SCP2: variants seen among roughly 807,000 people sequenced by gnomAD.
SCP2 encodes the protein SCP-2/3-oxoacyl-CoA thiolase.
In SCP2, 48 loss-of-function variants were observed where a neutral mutation model predicts 71.4. The ratio of observed to expected loss-of-function variants is 0.67; its 90% confidence interval spans 0.53 to 0.86. SCP2 has a LOEUF of 0.86. Among genes scored for constraint, SCP2 ranks in the 40% least tolerant of loss-of-function variants. The pLI is 0.00. For missense variants in SCP2, 560 were observed against 655.6 expected, an observed-to-expected ratio of 0.85 and a Z score of 1.59; for synonymous variants, 220 against 218.1, an observed-to-expected ratio of 1.01 and a Z score of -0.08.
At chr1:52,993,376 TAA>T (rs1659676056) in intron 11 of SCP2, 1 of 1,614,104 alleles carries the variant, frequency 6.2e-7, no homozygotes, top group African/African-American at 1.3e-5. Flanking sequence ...GTTGCCGTGC[TAA>T]CTGCCGTCCT....
At chr1:52,957,827 A>G (rs1655965103) in intron 5 of SCP2, among the ~76,000 whole-genome samples, 1 of 152,254 alleles carries the variant, frequency 6.6e-6, no homozygotes, top group Admixed American at 6.5e-5. Context: ...TGAAGGGTGT[A>G]AGGTCTGTGC....
At chr1:52,969,816 A>G (rs1657297702) in intron 6 of SCP2, among the ~76,000 whole-genome samples, 2 of 113,288 alleles carry the variant, frequency 1.8e-5, no homozygotes, top group Non-Finnish European at 3.7e-5. Flanking sequence ...GCTAGACTCC[A>G]TCTCAAACAA....
intron 14 of SCP2, among the ~76,000 whole-genome samples, chr1:53,043,510 A>T (rs1020760912): frequency 6.6e-6 from 1 of 152,246 alleles, no homozygotes; most frequent in Non-Finnish European, 1.5e-5. Context: ...TGTAGAGCAT[A>T]GGAATTGGGA....
At chr1:52,969,250 G>T (rs772742082) in intron 6 of SCP2, among the ~76,000 whole-genome samples, 11 of 152,202 alleles carry the variant, frequency 7.2e-5, no homozygotes, top group Non-Finnish European at 1.3e-4. Flanking sequence ...GGCCTTTCTG[G>T]ATATGGTGAT....
rs181823245 is a variant in SCP2 at position 52,988,986 on chromosome 1, G to A, written c.1081+850G>A. Among the ~76,000 whole-genome samples, 41 of 152,198 alleles carry A rather than the reference G, an allele frequency of 2.7e-4. No homozygotes were observed. In the East Asian group the frequency reaches 7.7e-3, roughly 29 times the overall value. ...GGATTACCGGCATGGGCCACACACGGCCACAACATGCATTTTTAATATATC... is the reference window on the plus strand; with the variant it reads ...GGATTACCGGCATGGGCCACACACGACCACAACATGCATTTTTAATATATC... On this transcript the variant is annotated intron_variant, in intron 11 of 15. Transcript: ENST00000371514.
chr1:52,989,990 C>G (rs1000798037), intron 11 of SCP2, among the ~76,000 whole-genome samples: 1 of 152,140 alleles, frequency 6.6e-6, no homozygotes, highest in Non-Finnish European at 1.5e-5. Context: ...TTGTAAACTG[C>G]CTGGCTGAGT....
At chr1:53,047,697 C>T (rs150957749) in intron 14 of SCP2, among the ~76,000 whole-genome samples, 161 bp from the exon 15 acceptor site, 1 of 152,282 alleles carries the variant, frequency 6.6e-6, no homozygotes, top group Non-Finnish European at 1.5e-5. Flanking sequence ...GTTTATGTCA[C>T]ATTTTACCAG....
intron 11 of SCP2, among the ~76,000 whole-genome samples, chr1:53,011,369 C>T (rs1660980525): frequency 6.6e-6 from 1 of 152,330 alleles, no homozygotes; most frequent in African/African-American, 2.4e-5. Context: ...ATTCATAGCA[C>T]TTAACGTCCT....
At chr1:53,007,628 G>C (rs928116798) in intron 11 of SCP2, among the ~76,000 whole-genome samples, 74 of 152,312 alleles carry the variant, frequency 4.9e-4, no homozygotes, top group African/African-American at 1.7e-3. Flanking sequence ...ATTTAAAGCA[G>C]TGTGTAGAGG....
chr1:53,016,131 A>G lies in SCP2; in HGVS notation c.1235+1088A>G, dbSNP rs374411455. Reference sequence around the variant, plus strand: ...GTATACATGGAGACACACTTCTTTTATTGAGTCTATGTTATTCTTCTGTAA... The same window carrying G: ...GTATACATGGAGACACACTTCTTTTGTTGAGTCTATGTTATTCTTCTGTAA... On this transcript the variant is annotated intron_variant, in intron 12 of 15. Coordinates refer to ENST00000371514, the MANE Select transcript of SCP2 (RefSeq NM_002979.5). 3.8e-4 allele frequency among the ~76,000 whole-genome samples: 58 copies of G among 152,070 alleles called. 2 individuals are homozygous for G. In the East Asian group the frequency reaches 8.9e-3, roughly 23 times the overall value.
At chr1:52,975,211 C>T (rs1657852276) in intron 7 of SCP2, among the ~76,000 whole-genome samples, 1 of 151,632 alleles carries the variant, frequency 6.6e-6, no homozygotes, top group Non-Finnish European at 1.5e-5. Flanking sequence ...GATGGCATCT[C>T]ACTCTGTCAC....
chr1:52,981,836 G>A (rs942139369), intron 10 of SCP2, among the ~76,000 whole-genome samples: 1 of 151,082 alleles, frequency 6.6e-6, no homozygotes, highest in African/African-American at 2.4e-5. Context: ...AGTATTGTGT[G>A]GGCATTATAT....
At chr1:52,982,335 C>T (rs1234459976) in intron 10 of SCP2, among the ~76,000 whole-genome samples, 1 of 152,146 alleles carries the variant, frequency 6.6e-6, no homozygotes, top group African/African-American at 2.4e-5. Context: ...CTTTGGGAGG[C>T]CAAGGCGGGC....
intron 6 of SCP2, among the ~76,000 whole-genome samples, chr1:52,973,524 A>T (rs571032692): frequency 3.2e-4 from 48 of 152,344 alleles, no homozygotes; most frequent in Non-Finnish European, 5.3e-4. Flanking sequence ...AAAAGATAAC[A>T]CATAATTTGA....
chr1:53,000,006 G>A (rs969747869), intron 11 of SCP2, among the ~76,000 whole-genome samples: 1 of 151,726 alleles, frequency 6.6e-6, no homozygotes, highest in Non-Finnish European at 1.5e-5. Flanking sequence ...TAGTAGAGCT[G>A]GGGTTTCACT....
intron 13 of SCP2, among the ~76,000 whole-genome samples, chr1:53,033,151 G>A (rs924548340): frequency 2.1e-4 from 32 of 152,272 alleles, no homozygotes; most frequent in African/African-American, 7.7e-4. Flanking sequence ...ATTCAGATAA[G>A]TAGTCCCTGA....
At chr1:53,041,349 C>T (rs1663415885) in intron 14 of SCP2, among the ~76,000 whole-genome samples, 2 of 151,692 alleles carry the variant, frequency 1.3e-5, no homozygotes, top group Non-Finnish European at 2.9e-5. Flanking sequence ...TTGCAGTGAG[C>T]CGAGATGGCA....
chr1:52,974,772 C>T lies in SCP2; in HGVS notation c.527C>T (p.Thr176Ile), dbSNP rs1478496075. Residue 176 changes from threonine to isoleucine, a missense_variant, in exon 7 of 16, where the codon ACA (threonine) becomes ATA (isoleucine). Around this residue, in one of 3 missense-constraint regions of SCP2, gnomAD observed 513 missense variants for 573.1 expected, o/e 0.90. Transcript: ENST00000371514. ...AGKEHMEKYG[T>I]KIEHFAKIGW... Reference sequence around the variant, plus strand: ...TAGATGTTTGCTTTCTTTACAGGAACAAAAATTGAACACTTTGCAAAAATT... The same window carrying T: ...TAGATGTTTGCTTTCTTTACAGGAATAAAAATTGAACACTTTGCAAAAATT... The T allele has an allele frequency of 6.5e-7, 1 of 1,528,352 alleles. No individual in the cohort carries two copies. The highest frequency in any genetic ancestry group is 2.3e-5 in the East Asian group (1 of 44,390). 94.7% of individuals were successfully genotyped at this position (1,528,352 alleles called of 1,614,324 possible). A position where few individuals can be genotyped will look rare whatever the true frequency, so the allele number is the denominator to read the frequency against.
Position 52,931,817 on chromosome 1 carries a change from C to T in SCP2, c.69+4352C>T, listed in dbSNP as rs1300877846. ...CCCCCTACTCAAAAACAACAAAATA[C>T]TAAGGAAAAACTTTGGAGGAGGGAT... On this transcript the variant is annotated intron_variant, in intron 1 of 15. Coordinates refer to ENST00000371514, the MANE Select transcript of SCP2 (RefSeq NM_002979.5). Among the ~76,000 whole-genome samples, 6 of 152,014 alleles carry T rather than the reference C, an allele frequency of 3.9e-5. No individual in the cohort carries two copies. In the South Asian group the frequency reaches 6.2e-4, roughly 16 times the overall value.
Sources: allele counts gnomAD v4.1 joint callset (sites outside exome capture counted in the v4.1 genomes callset), GRCh38; gene constraint gnomAD v4.1.1; regional missense constraint gnomAD v4.1.1; transcripts MANE v1.5; gene names NCBI Gene and HGNC (gene_info 2026-07-23, HGNC 2026-07-21).